Variants in EPHA6 observed in about 807,000 individuals in gnomAD.
The protein encoded by EPHA6 is ephrin type-A receptor 6.
EPHA6 carries 50 observed loss-of-function variants against 112.0 expected under a neutral mutation model. That is an observed-to-expected ratio of 0.45 (90% CI 0.36 to 0.56). The LOEUF is 0.56. Ranked by LOEUF, EPHA6 falls within the 20% of genes least tolerant of loss-of-function variation. The pLI, the probability that EPHA6 is intolerant of heterozygous loss-of-function variation, is 0.00. For synonymous variants in EPHA6, 529 were observed against 490.7 expected, an observed-to-expected ratio of 1.08 and a Z score of -1.03; for missense variants, 1,280 against 1,417.4, an observed-to-expected ratio of 0.90 and a Z score of 1.56.
intron 3 of EPHA6, among the ~76,000 whole-genome samples, chr3:97,052,804 A>G (rs1409724978): frequency 6.6e-6 from 1 of 152,088 alleles, no homozygotes; most frequent in Non-Finnish European, 1.5e-5. Context: ...TCAGGGGACC[A>G]GCTAGGAAAT....
intron 3 of EPHA6, among the ~76,000 whole-genome samples, chr3:97,012,542 G>C (rs148402259): frequency 6.9e-6 from 1 of 144,372 alleles, no homozygotes; most frequent in Admixed American, 7.0e-5. Context: ...TTTTATATAT[G>C]AATATATTAT....
At chr3:96,872,444 A>G (rs2036683399) in intron 2 of EPHA6, among the ~76,000 whole-genome samples, 1 of 152,084 alleles carries the variant, frequency 6.6e-6, no homozygotes, top group Admixed American at 6.6e-5. Context: ...ATGTAGATTT[A>G]AATTTCTGAC....
intron 11 of EPHA6, chr3:97,590,375 A>G (rs1017257751): frequency 6.6e-6 from 1 of 152,202 alleles, no homozygotes; most frequent in Non-Finnish European, 1.5e-5. Context: ...AACAACAAAA[A>G]CAGTAATCAA....
At chr3:96,971,221 T>C (rs1051965102) in intron 2 of EPHA6, among the ~76,000 whole-genome samples, 1 of 152,094 alleles carries the variant, frequency 6.6e-6, no homozygotes, top group Non-Finnish European at 1.5e-5. Context: ...TAGTAGAAGT[T>C]ATCTTTATTG....
intron 2 of EPHA6, among the ~76,000 whole-genome samples, chr3:96,941,962 C>A (rs980095182): frequency 6.6e-6 from 1 of 152,166 alleles, no homozygotes; most frequent in Non-Finnish European, 1.5e-5. Context: ...GCTGCCTGAT[C>A]GTTGCTCTGG....
chr3:97,473,450 A>G (rs1034303369), intron 7 of EPHA6, among the ~76,000 whole-genome samples: 3 of 151,784 alleles, frequency 2.0e-5, no homozygotes, highest in African/African-American at 7.2e-5. Context: ...ATTTTTTATA[A>G]CAAAGTAATC....
At position 97,102,993 on chromosome 3, in the gene EPHA6, AATTT is replaced by A. The variant is rs1466105918; in HGVS notation, c.1114+115007_1114+115010del. 3.3e-5 allele frequency among the ~76,000 whole-genome samples: 5 copies of A among 151,650 alleles called. No homozygotes were observed. The East Asian group carries it at 9.7e-4, about 29-fold the overall frequency. ...TTTAATAGGATCTTTTTGTCTTGTAAATTTATTTATGTTTCTTATAGATGCTAGA... is the reference window on the plus strand; with the variant it reads ...TTTAATAGGATCTTTTTGTCTTGTAAATTTATGTTTCTTATAGATGCTAGA... On this transcript the variant is annotated intron_variant, in intron 3 of 17. Coordinates refer to ENST00000389672, the MANE Select transcript of EPHA6 (RefSeq NM_001080448.3).
intron 11 of EPHA6, among the ~76,000 whole-genome samples, chr3:97,567,079 G>A (rs1428616005): frequency 2.0e-5 from 3 of 152,024 alleles, no homozygotes; most frequent in African/African-American, 2.4e-5. Context: ...TAGTATTTTC[G>A]GTTCATTCAT....
rs577313606 is a variant in EPHA6 at position 97,288,058 on chromosome 3, T to TA, written c.1606+43783dup. On this transcript the variant is annotated intron_variant, in intron 5 of 17. Coordinates refer to ENST00000389672, the MANE Select transcript of EPHA6 (RefSeq NM_001080448.3). The stretch of plus-strand genomic sequence containing the variant: ...TGGGGATTTTCTCTGTTAGGAGACG[T>TA]AAAAAAAAAAAAGAAAAAAGAAAAA... Among the ~76,000 whole-genome samples the TA allele has an allele frequency of 7.0e-3, 981 of 140,598 alleles. 6 individuals carry two copies. The highest frequency in any genetic ancestry group is 0.019 in the African/African-American group (719 of 38,694). The allele number at this position is 140,598 out of a possible 152,430, so 92.2% of individuals were successfully genotyped here.
chr3:97,105,836 C>T (rs2047551233), intron 3 of EPHA6, among the ~76,000 whole-genome samples: 1 of 152,088 alleles, frequency 6.6e-6, no homozygotes, highest in African/African-American at 2.4e-5. Context: ...CTGGGTGCTT[C>T]TGTGTTGGTG....
At chr3:97,575,934 C>T (rs893329209) in intron 11 of EPHA6, among the ~76,000 whole-genome samples, 18 of 152,046 alleles carry the variant, frequency 1.2e-4, no homozygotes, top group Admixed American at 1.0e-3. Context: ...TACATAGAAA[C>T]CACAGGACAC....
At chr3:96,847,414 A>G (rs570552876) in intron 1 of EPHA6, among the ~76,000 whole-genome samples, 3 of 152,170 alleles carry the variant, frequency 2.0e-5, no homozygotes, top group East Asian at 1.9e-4. Flanking sequence ...CCAAAATGGT[A>G]GGATGATCCA....
chr3:97,370,666 A>G (rs759269996), intron 5 of EPHA6, among the ~76,000 whole-genome samples: 28 of 152,154 alleles, frequency 1.8e-4, no homozygotes, highest in Admixed American at 4.6e-4. Context: ...ATTCTATTTT[A>G]TTGGCTTTAA....
chr3:96,947,267 T>C (rs1163010795), intron 2 of EPHA6, among the ~76,000 whole-genome samples: 5 of 152,112 alleles, frequency 3.3e-5, no homozygotes, highest in Non-Finnish European at 5.9e-5. Flanking sequence ...TGCCTATGTC[T>C]TGAATGGTAT....
intron 2 of EPHA6, among the ~76,000 whole-genome samples, chr3:96,937,545 A>G (rs982477681): frequency 4.6e-5 from 7 of 151,954 alleles, no homozygotes; most frequent in African/African-American, 1.7e-4. Flanking sequence ...ATTTTCTCCT[A>G]TTTTGTAGGT....
intron 1 of EPHA6, among the ~76,000 whole-genome samples, chr3:96,860,081 T>G (rs2107422198): frequency 6.6e-6 from 1 of 152,236 alleles, no homozygotes; most frequent in South Asian, 2.1e-4. Context: ...GTCCAATATA[T>G]AGAGTTTAAA....
intron 10 of EPHA6, among the ~76,000 whole-genome samples, chr3:97,493,567 G>T (rs2091903742): frequency 6.6e-6 from 1 of 151,856 alleles, no homozygotes; most frequent in Non-Finnish European, 1.5e-5. Flanking sequence ...TCCAGATGCT[G>T]TCACATTGAG....
intron 7 of EPHA6, 29 bp downstream of exon 7, chr3:97,448,759 G>C (rs1560020926): frequency 1.2e-6 from 2 of 1,608,904 alleles, no homozygotes; most frequent in Non-Finnish European, 1.7e-6. Context: ...TATAACATAA[G>C]ATGTGAATTT....
chr3:96,959,699 A>T (rs2107747086), intron 2 of EPHA6, among the ~76,000 whole-genome samples: 1 of 152,002 alleles, frequency 6.6e-6, no homozygotes, highest in African/African-American at 2.4e-5. Context: ...GGTCTGACTC[A>T]TTTTTGTGCA....
Sources: allele counts gnomAD v4.1 joint callset (sites outside exome capture counted in the v4.1 genomes callset), GRCh38; gene constraint gnomAD v4.1.1; transcripts MANE v1.5; gene names NCBI Gene and HGNC (gene_info 2026-07-23, HGNC 2026-07-21).